PALM2AKAP2: variants seen among roughly 807,000 people sequenced by gnomAD.
The protein encoded by PALM2AKAP2 is PALM2-AKAP2 fusion protein.
PALM2AKAP2 carries 37 observed loss-of-function variants against 71.5 expected under a neutral mutation model. The observed-to-expected ratio is 0.52, with a 90% CI of 0.40 to 0.68. The LOEUF is 0.68. Ranked by LOEUF, PALM2AKAP2 falls within the 30% of genes least tolerant of loss-of-function variation. PALM2AKAP2 has a pLI of 0.00. For synonymous variants in PALM2AKAP2, 468 were observed against 478.8 expected, an observed-to-expected ratio of 0.98 and a Z score of 0.29; for missense variants, 1,224 against 1,191.8, an observed-to-expected ratio of 1.03 and a Z score of -0.40.
intron 1 of PALM2AKAP2, among the ~76,000 whole-genome samples, chr9:109,728,612 G>A (rs1442164980): frequency 6.6e-6 from 1 of 152,114 alleles, no homozygotes; most frequent in Non-Finnish European, 1.5e-5. Flanking sequence ...TCTTTAATAT[G>A]TACTCTCGAG....
intron 6 of PALM2AKAP2, among the ~76,000 whole-genome samples, chr9:109,964,083 A>G (rs1831899494): frequency 6.6e-6 from 1 of 152,390 alleles, no homozygotes; most frequent in African/African-American, 2.4e-5. Flanking sequence ...TTGCCAACTT[A>G]GTAAGAGAGA....
chr9:109,865,170 C>T (rs1224280049), intron 1 of PALM2AKAP2, among the ~76,000 whole-genome samples: 1 of 128,208 alleles, frequency 7.8e-6, no homozygotes, highest in Non-Finnish European at 1.5e-5. Flanking sequence ...GTGATCTTGG[C>T]TCATGGCAAC....
intron 1 of PALM2AKAP2, among the ~76,000 whole-genome samples, chr9:109,679,715 A>T (rs545916820): frequency 9.9e-5 from 15 of 152,090 alleles, no homozygotes; most frequent in Non-Finnish European, 1.9e-4. Flanking sequence ...CTCCATCACA[A>T]TTGGACCTGC....
chr9:109,883,084 C>A (rs562902723), intron 3 of PALM2AKAP2, among the ~76,000 whole-genome samples: 1 of 152,170 alleles, frequency 6.6e-6, no homozygotes, highest in Non-Finnish European at 1.5e-5. Flanking sequence ...TGAGCCATTG[C>A]GTGTGGAGGC....
At chr9:109,728,562 A>G (rs1335666553) in intron 1 of PALM2AKAP2, among the ~76,000 whole-genome samples, 1 of 152,266 alleles carries the variant, frequency 6.6e-6, no homozygotes, top group Admixed American at 6.5e-5. Context: ...TTGACGAATC[A>G]GTCCCAACCC....
intron 5 of PALM2AKAP2, among the ~76,000 whole-genome samples, chr9:109,929,453 C>G (rs1831039604): frequency 6.6e-6 from 1 of 152,142 alleles, no homozygotes; most frequent in Admixed American, 6.5e-5. Context: ...TGCCCCTACC[C>G]CCTCAGGACT....
chr9:110,103,379 G>C (rs1201711474), intron 1 of PALM2AKAP2, among the ~76,000 whole-genome samples: 2 of 152,188 alleles, frequency 1.3e-5, no homozygotes, highest in African/African-American at 4.8e-5. Context: ...TCACTGCATA[G>C]CTTGTGCTAA....
At chr9:110,108,749 G>A (rs942112394) in intron 1 of PALM2AKAP2, among the ~76,000 whole-genome samples, 3 of 152,094 alleles carry the variant, frequency 2.0e-5, no homozygotes, top group Non-Finnish European at 4.4e-5. Context: ...CCACTGCATT[G>A]TACACTTAAA....
intron 1 of PALM2AKAP2, among the ~76,000 whole-genome samples, chr9:109,745,174 G>C (rs1330966128): frequency 6.6e-6 from 1 of 152,110 alleles, no homozygotes; most frequent in Non-Finnish European, 1.5e-5. Flanking sequence ...ACCAGCGATA[G>C]GTATGGACTC....
chr9:109,839,668 G>A (rs1384272801), intron 1 of PALM2AKAP2, among the ~76,000 whole-genome samples: 1 of 152,214 alleles, frequency 6.6e-6, no homozygotes, highest in African/African-American at 2.4e-5. Flanking sequence ...AGCAACTTCA[G>A]CAAAGTCTCA....
At chr9:109,943,681 C>T (rs1392894226) in intron 6 of PALM2AKAP2, 4 of 453,898 alleles carry the variant, frequency 8.8e-6, no homozygotes, top group Non-Finnish European at 1.6e-5. Flanking sequence ...GAATCACTTC[C>T]TTCCTGCTCG....
chr9:109,794,778 G>A (rs1827206018), intron 1 of PALM2AKAP2, among the ~76,000 whole-genome samples: 1 of 152,160 alleles, frequency 6.6e-6, no homozygotes. Context: ...TTTCCAAAGG[G>A]ACTTTGGTGC....
intron 6 of PALM2AKAP2, among the ~76,000 whole-genome samples, chr9:110,000,722 G>T (rs1832666617): frequency 6.6e-6 from 1 of 152,146 alleles, no homozygotes; most frequent in East Asian, 1.9e-4. Context: ...GTGTGAGATG[G>T]TATCTCATTG....
exon 2 of PALM2AKAP2, chr9:110,137,489 T>C: frequency 6.2e-7 from 1 of 1,614,140 alleles, no homozygotes; most frequent in Non-Finnish European, 8.5e-7. Context: ...GGAAGGGCCC[T>C]ACAGCGAGCC....
intron 1 of PALM2AKAP2, among the ~76,000 whole-genome samples, chr9:109,722,429 T>G (rs1325199801): frequency 2.6e-5 from 4 of 152,166 alleles, no homozygotes; most frequent in Non-Finnish European, 5.9e-5. Context: ...CACTATAATA[T>G]GCTATGGGGA....
chr9:110,144,171 A>G (rs1025042412), intron 2 of PALM2AKAP2, among the ~76,000 whole-genome samples: 2 of 152,218 alleles, frequency 1.3e-5, no homozygotes, highest in African/African-American at 4.8e-5. Flanking sequence ...TCATTGCTCC[A>G]TGGGGGAAGT....
At chr9:110,123,572 C>T (rs893536959) in intron 1 of PALM2AKAP2, among the ~76,000 whole-genome samples, 2 of 152,148 alleles carry the variant, frequency 1.3e-5, no homozygotes, top group East Asian at 3.8e-4. Context: ...CTCAAGTCAA[C>T]ACACAACAGT....
intron 1 of PALM2AKAP2, among the ~76,000 whole-genome samples, chr9:109,697,204 A>G (rs998781619): frequency 6.6e-6 from 1 of 152,202 alleles, no homozygotes; most frequent in Admixed American, 6.5e-5. Flanking sequence ...AGAAGCAACT[A>G]TTCTCTATAT....
chr9:110,043,893 A>T (rs1833549809), upstream of PALM2AKAP2, among the ~76,000 whole-genome samples: 1 of 151,080 alleles, frequency 6.6e-6, no homozygotes, highest in Non-Finnish European at 1.5e-5. Context: ...TCATTTTTTA[A>T]TTTTTTGTAG....
Sources: gnomAD v4.1 joint callset for allele counts (sites outside exome capture counted in the v4.1 genomes callset) on GRCh38, gnomAD v4.1.1 for gene constraint, MANE v1.5 for transcripts, NCBI Gene and HGNC (gene_info 2026-07-23, HGNC 2026-07-21) for gene names.